The following ATRN variants were observed in gnomAD, a reference collection of about 807,000 sequenced individuals.
ATRN encodes attractin.
ATRN carries 54 observed loss-of-function variants against 178.7 expected under a neutral mutation model. The ratio of observed to expected loss-of-function variants is 0.30; its 90% confidence interval spans 0.24 to 0.38. ATRN has a LOEUF of 0.38. Among genes scored for constraint, ATRN ranks in the 10% least tolerant of loss-of-function variants. The probability of loss-of-function intolerance (pLI) is 1.00; values close to 1 mark genes in which losing one functional copy is unlikely to be tolerated. For missense variants in ATRN, 1,443 were observed against 1,815.1 expected (o/e 0.79, Z 3.73); for synonymous variants, 636 against 663.0 (o/e 0.96, Z 0.63).
At chr20:3,531,068 C>T (rs1400437605) in intron 1 of ATRN, among the ~76,000 whole-genome samples, 1 of 152,150 alleles carries the variant, frequency 6.6e-6, no homozygotes, top group Non-Finnish European at 1.5e-5. Context: ...ACAGGTGTTG[C>T]CCATGCCCAC....
At chr20:3,557,899 AAT>A (rs1286035380) in intron 6 of ATRN, among the ~76,000 whole-genome samples, 7 of 152,238 alleles carry the variant, frequency 4.6e-5, no homozygotes, top group Non-Finnish European at 1.0e-4. Context: ...TATGTAAAAT[AAT>A]AGTTATGTGC....
chr20:3,496,636 T>A (rs934573094), intron 1 of ATRN, among the ~76,000 whole-genome samples: 1 of 152,204 alleles, frequency 6.6e-6, no homozygotes, highest in Non-Finnish European at 1.5e-5. Context: ...TTCTGTTGAT[T>A]TGGGGTAGAG....
chr20:3,556,534 A>G (rs941242077), intron 6 of ATRN, among the ~76,000 whole-genome samples: 7 of 152,164 alleles, frequency 4.6e-5, no homozygotes, highest in Admixed American at 3.9e-4. Context: ...CATGATGGTC[A>G]TTGGCTTGCC....
intron 8 of ATRN, 124 bp downstream of exon 8, chr20:3,561,029 TAAA>T: frequency 7.7e-7 from 1 of 1,293,780 alleles, no homozygotes; most frequent in Non-Finnish European, 1.1e-6. Context: ...TGAAACATAG[TAAA>T]CACTGGGCCC....
At chr20:3,528,075 CAAAA>C (rs957119348) in intron 1 of ATRN, among the ~76,000 whole-genome samples, 12 of 151,598 alleles carry the variant, frequency 7.9e-5, no homozygotes, top group African/African-American at 2.9e-4. Flanking sequence ...TAAAAACAAA[CAAAA>C]AAACCAGAAG....
chr20:3,582,802 A>T (rs2086299186), intron 16 of ATRN, among the ~76,000 whole-genome samples: 1 of 152,200 alleles, frequency 6.6e-6, no homozygotes, highest in South Asian at 2.1e-4. Context: ...AAAAATGATG[A>T]GAGCAGTTCT....
intron 20 of ATRN, 140 bp from the exon 21 acceptor site, chr20:3,596,237 C>T: frequency 1.2e-6 from 1 of 834,338 alleles, no homozygotes; most frequent in Admixed American, 2.3e-5. Flanking sequence ...CCTAGACTGC[C>T]TGAGCTGAGT....
rs1441341273 is a variant in ATRN at position 3,542,579 on chromosome 20, TCCTTCCCCTTCTC to T, written c.608+2256_608+2268del. Among the ~76,000 whole-genome samples, 4 of 105,090 alleles carry T rather than the reference TCCTTCCCCTTCTC, an allele frequency of 3.8e-5. No homozygotes were observed. The East Asian group carries it at 9.7e-4, about 25-fold the overall frequency. 68.9% of individuals were successfully genotyped at this position (105,090 alleles called of 152,430 possible). ...CCCTTCCACCTCCCCTTCCCCTTTC[TCCTTCCCCTTCTC>T]CCTTCCCCTTCCCCCTTCCCCCTTC... On this transcript the variant is annotated intron_variant, in intron 3 of 28. Transcript: ENST00000262919.
Position 3,644,147 on chromosome 20 carries a change from C to T in ATRN, c.4051-7C>T. On this transcript the variant is annotated splice_polypyrimidine_tract_variant and splice_region_variant and intron_variant, in intron 27 of 28. Coordinates refer to ENST00000262919, the MANE Select transcript of ATRN (RefSeq NM_139321.3). Reference sequence around the variant, plus strand: ...TCACTTAAGGTAATTTTGTTTTCTTCTGCCAGACTGTTCCCAAACCCATTG... The same window carrying T: ...TCACTTAAGGTAATTTTGTTTTCTTTTGCCAGACTGTTCCCAAACCCATTG... 6.2e-7 allele frequency: 1 copy of T among 1,606,644 alleles called. No homozygotes were observed.
At chr20:3,601,715 A>C (rs898237414) in intron 23 of ATRN, among the ~76,000 whole-genome samples, 2 of 150,410 alleles carry the variant, frequency 1.3e-5, no homozygotes, top group African/African-American at 2.4e-5. Flanking sequence ...AAAAAAAAAA[A>C]AACCCAGGTG....
chr20:3,642,384 C>T (rs1466096194), intron 27 of ATRN, among the ~76,000 whole-genome samples: 1 of 152,232 alleles, frequency 6.6e-6, no homozygotes, highest in Non-Finnish European at 1.5e-5. Flanking sequence ...ACATACCTTC[C>T]GCCTTTCAGC....
chr20:3,638,747 G>C lies in ATRN; in HGVS notation c.3943-81G>C. 6.1e-6 allele frequency: 7 copies of C among 1,150,554 alleles called. No individual in the cohort carries two copies. The South Asian group carries it at 9.5e-5, about 16-fold the overall frequency. 71.3% of individuals were successfully genotyped at this position (1,150,554 alleles called of 1,614,324 possible). A position where few individuals can be genotyped will look rare whatever the true frequency, so the allele number is the denominator to read the frequency against. Reference sequence around the variant, plus strand: ...GATTTGTTTGAATCAGGGAGGATGAGGTGTTTTTAACATGTAGCATTAACT... The same window carrying C: ...GATTTGTTTGAATCAGGGAGGATGACGTGTTTTTAACATGTAGCATTAACT... On this transcript the variant is annotated intron_variant, in intron 26 of 28. Coordinates refer to ENST00000262919, the MANE Select transcript of ATRN (RefSeq NM_139321.3). The surrounding 1 kb of genome is among the most constrained non-coding windows in gnomAD (Gnocchi z 4.5).
chr20:3,489,766 A>G, intron 1 of ATRN: 1 of 1,422,416 alleles, frequency 7.0e-7, no homozygotes, highest in Non-Finnish European at 9.9e-7. Flanking sequence ...GCAAAGTGTC[A>G]CTGGAAGGCT....
chr20:3,505,507 A>G (rs960608328), intron 1 of ATRN, among the ~76,000 whole-genome samples: 2 of 152,194 alleles, frequency 1.3e-5, no homozygotes, highest in East Asian at 1.9e-4. Flanking sequence ...CCTCTCCCAT[A>G]TACCCAATTT....
At chr20:3,510,633 G>A (rs986092763) in intron 1 of ATRN, among the ~76,000 whole-genome samples, 2 of 151,774 alleles carry the variant, frequency 1.3e-5, no homozygotes, top group African/African-American at 4.8e-5. Context: ...TTCAAGTTAC[G>A]AATCCTTGAC....
intron 3 of ATRN, among the ~76,000 whole-genome samples, chr20:3,541,279 G>A (rs1212522544): frequency 5.3e-5 from 8 of 151,766 alleles, no homozygotes; most frequent in Non-Finnish European, 7.4e-5. Flanking sequence ...GGGTTTCACC[G>A]TGTTAGCCAG....
At chr20:3,478,059 T>G (rs555292054) in intron 1 of ATRN, among the ~76,000 whole-genome samples, 1 of 152,356 alleles carries the variant, frequency 6.6e-6, no homozygotes, top group East Asian at 1.9e-4. Context: ...TCTACCTGTT[T>G]GTTTTTTTCT....
chr20:3,544,051 T>C (rs1182933383), intron 3 of ATRN, among the ~76,000 whole-genome samples: 1 of 152,166 alleles, frequency 6.6e-6, no homozygotes, highest in East Asian at 1.9e-4. Flanking sequence ...TGAGACCTTG[T>C]CTCAAAACAA....
In ATRN at chr20:3,597,933, C is replaced by T; in HGVS notation, c.3497C>T (p.Thr1166Ile). The T allele has an allele frequency of 1.2e-6, 2 of 1,609,874 alleles. No individual in the cohort carries two copies. Among genetic ancestry groups the T allele is most frequent in the Non-Finnish European group, 1.7e-6 (2 of 1,176,530 alleles). The change falls in exon 22 of 29, where the codon ACC becomes ATC. Residue 1166 changes from threonine (T) to isoleucine (I), a missense_variant. This residue lies in a region of ATRN where 289 missense variants were observed against 440.8 expected (regional missense o/e 0.66). Coordinates refer to ENST00000262919, the MANE Select transcript of ATRN (RefSeq NM_139321.3). ...ACTCTTCTTATTGACTATCAGTTCA[C>T]CTTTAGTCTATCCCAGGAAGATGAT... ...YYTLLIDYQF[T>I]FSLSQEDDRY...
Sources: gnomAD v4.1 joint callset for allele counts (sites outside exome capture counted in the v4.1 genomes callset) on GRCh38, gnomAD v4.1.1 for gene constraint, gnomAD v4.1.1 regional missense constraint, Gnocchi (gnomAD v3.1) non-coding constraint, MANE v1.5 for transcripts, NCBI Gene and HGNC (gene_info 2026-07-23, HGNC 2026-07-21) for gene names.